Variants in CIMAP2 observed in about 807,000 individuals in gnomAD.
The protein encoded by CIMAP2 is ciliary microtubule-associated protein 2.
At chr1:54,808,612 C>CGGGGGT in the CIMAP2 span, among the ~76,000 whole-genome samples, 57 of 67,342 alleles carry the variant, frequency 8.5e-4, 9 homozygotes, top group Non-Finnish European at 1.5e-3. Flanking sequence ...CAGGTGCTGC[C>CGGGGGT]GGGGGAGGGC....
the CIMAP2 span, among the ~76,000 whole-genome samples, chr1:54,825,041 CTTTTTTTTTTTTTTTT>C: frequency 3.4e-5 from 2 of 59,666 alleles, no homozygotes; most frequent in South Asian, 7.2e-4. Flanking sequence ...TAGGGAATTA[CTTTTTTTTTTTTTTTT>C]TTTTTTTTTT....
At chr1:54,841,761 G>A in the CIMAP2 span, 2 of 1,603,502 alleles carry the variant, frequency 1.2e-6, no homozygotes. Flanking sequence ...TCCCTTCCAA[G>A]GGATCACTTC....
the CIMAP2 span, among the ~76,000 whole-genome samples, chr1:54,840,334 G>C: frequency 6.6e-6 from 1 of 152,196 alleles, no homozygotes; most frequent in Non-Finnish European, 1.5e-5. Context: ...TTTCAATGCT[G>C]AGTTGGATTG....
At chr1:54,841,012 G>T in the CIMAP2 span, among the ~76,000 whole-genome samples, 1 of 152,240 alleles carries the variant, frequency 6.6e-6, no homozygotes, top group East Asian at 1.9e-4. Context: ...GAGAAATGAG[G>T]CATGGGGCTG....
chr1:54,820,529 C>G, the CIMAP2 span, among the ~76,000 whole-genome samples: 2 of 152,026 alleles, frequency 1.3e-5, no homozygotes, highest in African/African-American at 2.4e-5. Context: ...AATGGCTGTT[C>G]TAATTTGCAT....
the CIMAP2 span, among the ~76,000 whole-genome samples, chr1:54,835,048 A>G: frequency 6.6e-6 from 1 of 152,240 alleles, no homozygotes; most frequent in Non-Finnish European, 1.5e-5. Context: ...CGCATACTGC[A>G]TTTTTAGTAT....
chr1:54,813,649 T>G, the CIMAP2 span, among the ~76,000 whole-genome samples: 5,841 of 136,076 alleles, frequency 0.043, 246 homozygotes, highest in East Asian at 0.14. Context: ...CACCAGCCCT[T>G]GTCAGGGGGG....
At chr1:54,817,972 C>G in the CIMAP2 span, among the ~76,000 whole-genome samples, 1 of 152,152 alleles carries the variant, frequency 6.6e-6, no homozygotes, top group Non-Finnish European at 1.5e-5. Flanking sequence ...TTCTGCACAT[C>G]TGATCAATAG....
the CIMAP2 span, among the ~76,000 whole-genome samples, chr1:54,817,433 A>G: frequency 6.6e-6 from 1 of 152,190 alleles, no homozygotes; most frequent in Admixed American, 6.5e-5. Flanking sequence ...AAAGGTACTC[A>G]ATCAACCTTA....
chr1:54,820,430 G>C, the CIMAP2 span, among the ~76,000 whole-genome samples: 1 of 151,674 alleles, frequency 6.6e-6, no homozygotes, highest in Non-Finnish European at 1.5e-5. Flanking sequence ...CTCCCACCTC[G>C]GCCTCCCAAA....
At chr1:54,820,864 G>A in the CIMAP2 span, among the ~76,000 whole-genome samples, 5 of 152,262 alleles carry the variant, frequency 3.3e-5, no homozygotes, top group South Asian at 8.3e-4. Flanking sequence ...CGCCTCCTGG[G>A]TTCAAGCGAT....
the CIMAP2 span, among the ~76,000 whole-genome samples, chr1:54,839,471 G>GGTT: frequency 6.6e-6 from 1 of 151,922 alleles, no homozygotes; most frequent in Non-Finnish European, 1.5e-5. Context: ...TCTGCCTCCT[G>GGTT]GGTTCAAGCG....
the CIMAP2 span, chr1:54,811,979 G>A: frequency 6.2e-7 from 1 of 1,613,952 alleles, no homozygotes; most frequent in African/African-American, 1.3e-5. Context: ...GTCCTGCAGG[G>A]GCACTCCCAG....
chr1:54,826,288 C>T, the CIMAP2 span, among the ~76,000 whole-genome samples: 4 of 152,322 alleles, frequency 2.6e-5, no homozygotes, highest in East Asian at 7.7e-4. Context: ...CTTCAGCTTT[C>T]TTTGCCCTAG....
chr1:54,833,778 C>T, the CIMAP2 span, among the ~76,000 whole-genome samples: 1 of 152,302 alleles, frequency 6.6e-6, no homozygotes, highest in Non-Finnish European at 1.5e-5. Context: ...TGCTCCAGGC[C>T]AGGCTCTGAC....
the CIMAP2 span, among the ~76,000 whole-genome samples, chr1:54,839,515 T>C: frequency 6.6e-6 from 1 of 151,948 alleles, no homozygotes; most frequent in Non-Finnish European, 1.5e-5. Context: ...GTAGCTGGGA[T>C]TACAGGCACC....
the CIMAP2 span, among the ~76,000 whole-genome samples, chr1:54,824,289 A>G: frequency 1.3e-5 from 2 of 152,130 alleles, no homozygotes; most frequent in African/African-American, 4.8e-5. Context: ...CGGCCTCCCA[A>G]AGTGCTGCGA....
the CIMAP2 span, among the ~76,000 whole-genome samples, chr1:54,819,080 G>C: frequency 6.6e-6 from 1 of 152,142 alleles, no homozygotes; most frequent in African/African-American, 2.4e-5. Flanking sequence ...ATTGGCAGGG[G>C]CCCTGGTCTT....
chr1:54,826,618 A>G, the CIMAP2 span, among the ~76,000 whole-genome samples: 3 of 152,186 alleles, frequency 2.0e-5, no homozygotes, highest in East Asian at 5.8e-4. Context: ...GTACCCCCAG[A>G]AGTCCCCTGT....
Sources: allele counts gnomAD v4.1 joint callset (sites outside exome capture counted in the v4.1 genomes callset), GRCh38; gene constraint gnomAD v4.1.1; transcripts MANE v1.5; gene names NCBI Gene and HGNC (gene_info 2026-07-23, HGNC 2026-07-21).